The following MBNL2 variants were observed in gnomAD, a reference collection of about 807,000 sequenced individuals.
The protein encoded by MBNL2 is muscleblind like splicing regulator 2.
MBNL2 carries 17 observed loss-of-function variants against 41.9 expected under a neutral mutation model. That is an observed-to-expected ratio of 0.41 (90% CI 0.28 to 0.61). The LOEUF is 0.61. Ranked by LOEUF, MBNL2 falls within the 20% of genes least tolerant of loss-of-function variation. The pLI is 0.35. For missense variants in MBNL2, 336 were observed against 505.6 expected (o/e 0.66, Z 3.22); for synonymous variants, 195 against 182.9 (o/e 1.07, Z -0.53).
chr13:97,365,242 AG>A, intron 8 of MBNL2, 71 bp downstream of exon 8: 1 of 976,080 alleles, frequency 1.0e-6, no homozygotes, highest in Non-Finnish European at 1.7e-6. Flanking sequence ...AATTTATTTC[AG>A]AGATGGTAGA....
chr13:97,252,550 G>A (rs949181549), intron 1 of MBNL2, among the ~76,000 whole-genome samples: 1 of 152,048 alleles, frequency 6.6e-6, no homozygotes, highest in Non-Finnish European at 1.5e-5. Flanking sequence ...ACATCTCTAA[G>A]TAAATTTTGT....
At chr13:97,222,723 G>T (rs1217755122) in intron 1 of MBNL2, among the ~76,000 whole-genome samples, 192 bp downstream of exon 1, 1 of 152,144 alleles carries the variant, frequency 6.6e-6, no homozygotes, top group East Asian at 1.9e-4. Context: ...AATCTATGCC[G>T]CCTGTTTGGG....
At chr13:97,266,134 T>TG (rs556032031) in intron 1 of MBNL2, among the ~76,000 whole-genome samples, 15 of 151,882 alleles carry the variant, frequency 9.9e-5, no homozygotes, top group African/African-American at 3.6e-4. Context: ...CCCAACTACT[T>TG]GGGGGGCCGA....
intron 2 of MBNL2, 37 bp downstream of exon 2, chr13:97,276,446 C>T (rs1474791973): frequency 6.4e-7 from 1 of 1,559,604 alleles, no homozygotes; most frequent in Non-Finnish European, 8.8e-7. Context: ...TTCAATACCA[C>T]ATTGGAATTG....
chr13:97,374,728 T>C (rs2064801774), intron 8 of MBNL2, among the ~76,000 whole-genome samples: 1 of 152,154 alleles, frequency 6.6e-6, no homozygotes, highest in African/African-American at 2.4e-5. Context: ...GGGTCTTTTA[T>C]AGGCTGAAAA....
the MBNL2 span, among the ~76,000 whole-genome samples, chr13:97,195,253 G>A: frequency 6.6e-6 from 1 of 152,036 alleles, no homozygotes; most frequent in Non-Finnish European, 1.5e-5. Context: ...GAGAACTCAG[G>A]CATCATCTCA....
At chr13:97,381,398 T>G (rs763882126) in intron 8 of MBNL2, among the ~76,000 whole-genome samples, 1 of 152,180 alleles carries the variant, frequency 6.6e-6, no homozygotes, top group Non-Finnish European at 1.5e-5. Context: ...ACTGTTAAAA[T>G]GGGTACTGTG....
chr13:97,287,701 T>TTTTTC (rs1323349336), intron 2 of MBNL2, among the ~76,000 whole-genome samples: 5 of 147,522 alleles, frequency 3.4e-5, no homozygotes, highest in African/African-American at 1.0e-4. Flanking sequence ...TTCTTTCTAT[T>TTTTTC]TTTTCTTTTC....
Position 97,346,896 on chromosome 13 carries a change from T to A in MBNL2, c.633T>A (p.Ser211Arg). The change falls in exon 5 of 9, where the codon AGT (serine) becomes AGA (arginine). Residue 211 changes from serine to arginine, a missense_variant. Coordinates refer to ENST00000679496, the MANE Select transcript of MBNL2 (RefSeq NM_001382683.1). This position sits in a 1 kb window ranked among gnomAD's most constrained non-coding sequence, Gnocchi z 4.2. The stretch of plus-strand genomic sequence containing the variant: ...CAGACAGCACCATGATCGACACAAG[T>A]GACAACACCGTAACCGTTTGTATGG... The part of the protein sequence containing the change: ...HPADSTMIDT[S>R]DNTVTVCMDY... The A allele has an allele frequency of 6.2e-7, 1 of 1,614,010 alleles. No homozygotes were observed. The highest frequency in any genetic ancestry group is 8.5e-7 in the Non-Finnish European group (1 of 1,179,922).
chr13:97,373,426 T>C (rs1344638571), intron 8 of MBNL2, among the ~76,000 whole-genome samples: 1 of 149,022 alleles, frequency 6.7e-6, no homozygotes, highest in African/African-American at 2.5e-5. Context: ...AGAGAGAGAG[T>C]GGAAGGATTG....
chr13:97,298,797 T>C (rs2057325056), intron 2 of MBNL2, among the ~76,000 whole-genome samples: 1 of 152,302 alleles, frequency 6.6e-6, no homozygotes, highest in Non-Finnish European at 1.5e-5. Flanking sequence ...ATTCTTCTGT[T>C]TGTGCCGGAA....
intron 7 of MBNL2, chr13:97,363,195 C>A (rs2063555836): frequency 6.6e-6 from 1 of 151,928 alleles, no homozygotes; most frequent in East Asian, 1.9e-4. Context: ...GTGAGGAGGG[C>A]AGTTAGAGGA....
At chr13:97,382,063 A>AG (rs2065496699) in intron 8 of MBNL2, among the ~76,000 whole-genome samples, 1 of 152,232 alleles carries the variant, frequency 6.6e-6, no homozygotes, top group South Asian at 2.1e-4. Flanking sequence ...AACTTACTGT[A>AG]AATATTTTAA....
chr13:97,227,362 G>A (rs1345308062), intron 1 of MBNL2, among the ~76,000 whole-genome samples: 4 of 152,150 alleles, frequency 2.6e-5, no homozygotes, highest in Non-Finnish European at 5.9e-5. Context: ...GAAAAAGGGA[G>A]GAGTCAAGAA....
At chr13:97,363,892 G>T (rs1227763673) in intron 7 of MBNL2, among the ~76,000 whole-genome samples, 2 of 152,076 alleles carry the variant, frequency 1.3e-5, no homozygotes, top group Non-Finnish European at 2.9e-5. Context: ...CAGCTCCACA[G>T]AGAGAATAAA....
chr13:97,226,997 T>G (rs1435358788), intron 1 of MBNL2, among the ~76,000 whole-genome samples: 1 of 148,934 alleles, frequency 6.7e-6, no homozygotes, highest in Non-Finnish European at 1.5e-5. Flanking sequence ...TTCCTGACTC[T>G]GCAGAATTTC....
At chr13:97,266,275 T>C (rs2049778771) in intron 1 of MBNL2, among the ~76,000 whole-genome samples, 1 of 152,154 alleles carries the variant, frequency 6.6e-6, no homozygotes, top group African/African-American at 2.4e-5. Flanking sequence ...ATTAATTAAT[T>C]AAAACAAAAC....
chr13:97,222,674 G>C (rs555683700), intron 1 of MBNL2, 143 bp downstream of exon 1: 1 of 390,434 alleles, frequency 2.6e-6, no homozygotes, highest in African/African-American at 2.1e-5. Flanking sequence ...GGAGTTTTAC[G>C]TAACATTTTG....
rs1381420984 is a variant in MBNL2, at chr13:97,287,931, TTTGTTTTG to T, written c.174+11525_174+11532del. ...GGCTAATTTTCTGTTTTTTTTTTGTTTTGTTTTGTTTTTTTTTTTTTTAGTAGAGATGG... is the reference window on the plus strand; with the variant it reads ...GGCTAATTTTCTGTTTTTTTTTTGTTTTTTTTTTTTTTTTAGTAGAGATGG... On this transcript the variant is annotated intron_variant, in intron 2 of 8. Coordinates refer to ENST00000679496, the MANE Select transcript of MBNL2 (RefSeq NM_001382683.1). Among the ~76,000 whole-genome samples, 11 of 85,492 alleles carry T rather than the reference TTTGTTTTG, an allele frequency of 1.3e-4. 1 individual carries two copies. Among genetic ancestry groups the T allele is most frequent in the African/African-American group, 2.7e-4 (7 of 25,878 alleles). The allele number at this position is 85,492 out of a possible 152,430, so 56.1% of individuals were successfully genotyped here.
Sources: allele counts gnomAD v4.1 joint callset (sites outside exome capture counted in the v4.1 genomes callset), GRCh38; gene constraint gnomAD v4.1.1; non-coding constraint Gnocchi (gnomAD v3.1); transcripts MANE v1.5; gene names NCBI Gene and HGNC (gene_info 2026-07-23, HGNC 2026-07-21).